CCDC102B: variants seen among roughly 807,000 people sequenced by gnomAD.
CCDC102B encodes coiled-coil domain containing 102B.
In CCDC102B, 75 loss-of-function variants were observed where a neutral mutation model predicts 57.4. The ratio of observed to expected loss-of-function variants is 1.31; its 90% CI spans 1.08 to 1.58. The LOEUF (loss-of-function observed/expected upper bound fraction) is 1.58. CCDC102B is among the 40% of genes most tolerant of loss of function. The pLI is 0.00. For synonymous variants in CCDC102B, 206 were observed against 201.9 expected, an observed-to-expected ratio of 1.02 and a Z score of -0.17; for missense variants, 636 against 582.6, an observed-to-expected ratio of 1.09 and a Z score of -0.94.
At chr18:68,900,692 T>A (rs529961704) in intron 6 of CCDC102B, among the ~76,000 whole-genome samples, 33 of 152,256 alleles carry the variant, frequency 2.2e-4, no homozygotes, top group Admixed American at 2.0e-3. Context: ...AAATAGTGTA[T>A]CTATATAACA....
chr18:68,840,826 G>A (rs898896397), intron 3 of CCDC102B, among the ~76,000 whole-genome samples: 2 of 152,052 alleles, frequency 1.3e-5, no homozygotes, highest in African/African-American at 2.4e-5. Context: ...GTCTTAACAC[G>A]CTTATCCATA....
intron 7 of CCDC102B, among the ~76,000 whole-genome samples, chr18:69,037,295 G>A (rs1260560857): frequency 6.6e-6 from 1 of 151,930 alleles, no homozygotes; most frequent in African/African-American, 2.4e-5. Context: ...CACATCCCAT[G>A]TATATCACAT....
At chr18:68,809,465 A>C (rs1020270020) in intron 1 of CCDC102B, among the ~76,000 whole-genome samples, 10 of 152,212 alleles carry the variant, frequency 6.6e-5, no homozygotes, top group Non-Finnish European at 1.5e-4. Context: ...AAACCTAATG[A>C]AAATTATAAT....
intron 6 of CCDC102B, among the ~76,000 whole-genome samples, chr18:68,975,777 T>C (rs1180557713): frequency 1.3e-5 from 2 of 151,864 alleles, no homozygotes; most frequent in Non-Finnish European, 2.9e-5. Context: ...CATTCACTAA[T>C]TCTTTCTACA....
chr18:68,937,366 T>A (rs2049268448), intron 6 of CCDC102B, among the ~76,000 whole-genome samples: 1 of 152,058 alleles, frequency 6.6e-6, no homozygotes, highest in Non-Finnish European at 1.5e-5. Flanking sequence ...AAGCTGAATG[T>A]AGCCTTGTTT....
chr18:68,767,849 GT>G (rs1356053895), intron 2 of CCDC102B, among the ~76,000 whole-genome samples: 1 of 152,034 alleles, frequency 6.6e-6, no homozygotes, highest in Non-Finnish European at 1.5e-5. Flanking sequence ...ATGTGCAAGT[GT>G]TTTTCAAATT....
intron 4 of CCDC102B, among the ~76,000 whole-genome samples, chr18:68,859,919 A>T (rs2038654610): frequency 2.2e-5 from 2 of 90,164 alleles, no homozygotes; most frequent in South Asian, 7.0e-4. Flanking sequence ...CTAGAACTAG[A>T]AATACCATTT....
chr18:68,897,044 G>C (rs2040267257), intron 5 of CCDC102B, among the ~76,000 whole-genome samples, 175 bp from the exon 6 acceptor site: 1 of 152,038 alleles, frequency 6.6e-6, no homozygotes, highest in African/African-American at 2.4e-5. Context: ...GGTTTGGCCT[G>C]ATCTTAGGAT....
chr18:69,018,632 G>T (rs1008402092), intron 7 of CCDC102B, among the ~76,000 whole-genome samples: 1 of 151,916 alleles, frequency 6.6e-6, no homozygotes, highest in African/African-American at 2.4e-5. Context: ...GGGTATTTTT[G>T]CTATTGAGCT....
chr18:68,845,307 G>A (rs540452604), intron 3 of CCDC102B, among the ~76,000 whole-genome samples: 1 of 151,830 alleles, frequency 6.6e-6, no homozygotes, highest in East Asian at 1.9e-4. Context: ...TCTTTCTAGT[G>A]ACATTTAATA....
At chr18:68,897,921 A>T in intron 6 of CCDC102B, 1 of 213,122 alleles carries the variant, frequency 4.7e-6, no homozygotes, top group Non-Finnish European at 9.6e-6. Context: ...AATGAAATGC[A>T]TAATTTTTCA....
chr18:68,830,639 T>C (rs1158008794), intron 1 of CCDC102B, among the ~76,000 whole-genome samples: 2 of 144,718 alleles, frequency 1.4e-5, no homozygotes, highest in South Asian at 4.2e-4. Flanking sequence ...GTATATTATG[T>C]TTATTCCATA....
At chr18:68,897,656 A>T (rs1333257563) in intron 6 of CCDC102B, 44 of 1,455,834 alleles carry the variant, frequency 3.0e-5, no homozygotes, top group Non-Finnish European at 3.8e-5. Context: ...CAGTTTCAAG[A>T]TTTCCAAAAG....
At chr18:68,814,433 C>G (rs1338572391) in intron 1 of CCDC102B, among the ~76,000 whole-genome samples, 1 of 152,084 alleles carries the variant, frequency 6.6e-6, no homozygotes, top group African/African-American at 2.4e-5. Context: ...GGGTAATTAA[C>G]ACTTCTTCCT....
At chr18:68,824,400 C>A (rs1006548592) in intron 1 of CCDC102B, among the ~76,000 whole-genome samples, 6 of 152,292 alleles carry the variant, frequency 3.9e-5, no homozygotes, top group Admixed American at 1.3e-4. Context: ...CTATTCCGAG[C>A]CTTTTGGCAA....
rs535297761 is a variant in CCDC102B, at chr18:68,747,041, A to G, written c.-67+30447A>G. Reference sequence around the variant, plus strand: ...GTAATGAGCAATTCAGCATAATGAGAACATCCATCATCTCAACCATTTGTC... The same window carrying G: ...GTAATGAGCAATTCAGCATAATGAGGACATCCATCATCTCAACCATTTGTC... On this transcript the variant is annotated intron_variant, in intron 2 of 3. Coordinates refer to the CCDC102B transcript ENST00000578970. Among the ~76,000 whole-genome samples the G allele has an allele frequency of 2.0e-5, 3 of 152,158 alleles. 1 individual carries two copies. The highest frequency in any genetic ancestry group is 1.9e-4 in the East Asian group (1 of 5,190).
downstream of CCDC102B, among the ~76,000 whole-genome samples, chr18:69,056,680 G>GATAGATAGATAGAT (rs1180098602): frequency 1.3e-5 from 2 of 151,564 alleles, no homozygotes; most frequent in Non-Finnish European, 2.9e-5. Flanking sequence ...TAGATAGATA[G>GATAGATAGATAGAT]ATAGGATAGA....
chr18:69,008,692 G>A (rs1164966242), intron 6 of CCDC102B, among the ~76,000 whole-genome samples: 1 of 152,134 alleles, frequency 6.6e-6, no homozygotes, highest in Non-Finnish European at 1.5e-5. Flanking sequence ...GCCAGGTCCT[G>A]CCCTGCATCC....
At chr18:68,873,309 A>G (rs980768491) in intron 4 of CCDC102B, among the ~76,000 whole-genome samples, 18 of 152,066 alleles carry the variant, frequency 1.2e-4, no homozygotes, top group Admixed American at 2.6e-4. Flanking sequence ...GTTTTGGGAA[A>G]TCAGGCTTCT....
Sources: gnomAD v4.1 joint callset for allele counts (sites outside exome capture counted in the v4.1 genomes callset) on GRCh38, gnomAD v4.1.1 for gene constraint, MANE v1.5 for transcripts, NCBI Gene and HGNC (gene_info 2026-07-23, HGNC 2026-07-21) for gene names.